EXT2: variants seen among roughly 807,000 people sequenced by gnomAD.
The protein encoded by EXT2 is exostosin-2.
In EXT2, 53 loss-of-function variants were observed where a neutral mutation model predicts 81.6. That is an observed-to-expected ratio of 0.65 (90% CI 0.52 to 0.82). The LOEUF is 0.82. Ranked by LOEUF, EXT2 falls within the 40% of genes least tolerant of loss-of-function variation. EXT2 has a pLI of 0.00. For missense variants in EXT2, 774 were observed against 910.2 expected (o/e 0.85, Z 1.93); for synonymous variants, 320 against 340.0 (o/e 0.94, Z 0.65).
chr11:44,234,389 G>C (rs560499225), intron 12 of EXT2, 146 bp downstream of exon 12: 2 of 794,272 alleles, frequency 2.5e-6, no homozygotes, highest in South Asian at 3.2e-5. Flanking sequence ...GATTGATGCG[G>C]TCACATTGGG....
intron 7 of EXT2, among the ~76,000 whole-genome samples, chr11:44,137,939 CA>C (rs1368980386): frequency 6.6e-6 from 1 of 152,154 alleles, no homozygotes; most frequent in East Asian, 1.9e-4. Flanking sequence ...TTCAGTAATA[CA>C]TAAATTATAA....
At chr11:44,209,579 A>G (rs1402550295) in intron 10 of EXT2, among the ~76,000 whole-genome samples, 4 of 152,196 alleles carry the variant, frequency 2.6e-5, no homozygotes, top group Non-Finnish European at 4.4e-5. Flanking sequence ...AGAAATTGGG[A>G]GCAGGCTTGA....
chr11:44,197,742 C>A, intron 8 of EXT2, 87 bp from the exon 9 acceptor site: 1 of 1,390,882 alleles, frequency 7.2e-7, no homozygotes, highest in South Asian at 1.2e-5. Context: ...GCCACCAAGC[C>A]TGCCATGTTT....
intron 2 of EXT2, among the ~76,000 whole-genome samples, 191 bp from the exon 3 acceptor site, chr11:44,109,003 G>A (rs773105914): frequency 2.0e-4 from 30 of 152,190 alleles, no homozygotes; most frequent in Non-Finnish European, 4.0e-4. Flanking sequence ...GTACACGTGC[G>A]TTCATTTTTC....
At chr11:44,096,447 G>A (rs1269529682) in intron 1 of EXT2, 1 of 975,566 alleles carries the variant, frequency 1.0e-6, no homozygotes, top group Non-Finnish European at 1.5e-6. Flanking sequence ...GGTGGCCGGG[G>A]TCATGTTGGG....
intron 13 of EXT2, among the ~76,000 whole-genome samples, chr11:44,236,718 A>G (rs1955969690): frequency 6.6e-6 from 1 of 152,206 alleles, no homozygotes; most frequent in Non-Finnish European, 1.5e-5. Flanking sequence ...TTTCAGGGTA[A>G]TAGCTCCACG....
chr11:44,203,489 G>A (rs1247307612), intron 9 of EXT2, among the ~76,000 whole-genome samples: 1 of 152,184 alleles, frequency 6.6e-6, no homozygotes, highest in African/African-American at 2.4e-5. Flanking sequence ...TCTGCCCCAG[G>A]AGTGTTATTG....
chr11:44,121,215 T>G (rs1954311657), intron 4 of EXT2, among the ~76,000 whole-genome samples: 1 of 152,144 alleles, frequency 6.6e-6, no homozygotes, highest in Admixed American at 6.5e-5. Context: ...GAAAATGGAG[T>G]AGCAGTAGAG....
chr11:44,145,201 A>G (rs1035792224), intron 7 of EXT2, among the ~76,000 whole-genome samples: 1 of 152,158 alleles, frequency 6.6e-6, no homozygotes, highest in Non-Finnish European at 1.5e-5. Flanking sequence ...TCGATATTAG[A>G]TGACTTCAGT....
intron 8 of EXT2, among the ~76,000 whole-genome samples, chr11:44,181,964 C>T (rs1955242114): frequency 6.6e-6 from 1 of 152,114 alleles, no homozygotes; most frequent in Admixed American, 6.5e-5. Context: ...GACCTGATTG[C>T]CTAAGTATTG....
rs11037915 is a variant in EXT2, at chr11:44,249,413, A to G, written c.*5126A>G. Among the ~76,000 whole-genome samples, 1,427 of 152,306 alleles carry G rather than the reference A, an allele frequency of 9.4e-3. 109 individuals are homozygous for G. The East Asian group carries it at 0.19, about 20-fold the overall frequency. Reference sequence around the variant, plus strand: ...CAGACAGAAGACAAGGTAGTTCTCAAGAAGTACCAGGCAGCTGTGTCTGCT... The same window carrying G: ...CAGACAGAAGACAAGGTAGTTCTCAGGAAGTACCAGGCAGCTGTGTCTGCT... On this transcript the variant is annotated 3_prime_UTR_variant, in exon 14 of 14. Transcript: ENST00000533608.
At chr11:44,240,030 T>C (rs1366585978) in intron 13 of EXT2, among the ~76,000 whole-genome samples, 2 of 152,220 alleles carry the variant, frequency 1.3e-5, no homozygotes, top group Non-Finnish European at 2.9e-5. Flanking sequence ...TGTAAATAGT[T>C]GTTACATGGC....
At chr11:44,238,414 T>A (rs1955995551) in intron 13 of EXT2, among the ~76,000 whole-genome samples, 1 of 152,184 alleles carries the variant, frequency 6.6e-6, no homozygotes, top group Admixed American at 6.5e-5. Context: ...ACTCCTGGCC[T>A]CAAGGTATCC....
intron 8 of EXT2, among the ~76,000 whole-genome samples, chr11:44,178,926 A>G (rs1460963923): frequency 6.6e-6 from 1 of 152,220 alleles, no homozygotes; most frequent in Non-Finnish European, 1.5e-5. Flanking sequence ...GTGATCCAGT[A>G]TGCTACCCTA....
chr11:44,185,524 C>T (rs1234841377), intron 8 of EXT2, among the ~76,000 whole-genome samples: 1 of 151,960 alleles, frequency 6.6e-6, no homozygotes, highest in South Asian at 2.1e-4. Context: ...GGGTTCATGC[C>T]TTTTTTTCAG....
intron 8 of EXT2, among the ~76,000 whole-genome samples, chr11:44,188,895 A>G (rs1164994075): frequency 6.6e-6 from 1 of 152,190 alleles, no homozygotes; most frequent in East Asian, 1.9e-4. Context: ...AGAGCTGAGA[A>G]TTTTCCACAA....
chr11:44,237,902 TAAAAAAAAAAAAAAAA>T (rs374084527), intron 13 of EXT2, among the ~76,000 whole-genome samples: 1 of 56,364 alleles, frequency 1.8e-5, no homozygotes, highest in Non-Finnish European at 3.3e-5. Flanking sequence ...CGTCTCTACT[TAAAAAAAAAAAAAAAA>T]AAAAAAAAAA....
rs1156722510 is a variant in EXT2 at position 44,249,281 on chromosome 11, AACC to A, written c.*4999_*5001del. ...CCAAAGTGTTGGGATTACAGGTGTG[AACC>A]ACCATGCCTGGCCCAGGATAGCACT... On this transcript the variant is annotated 3_prime_UTR_variant, in exon 14 of 14. Coordinates refer to ENST00000533608, the MANE Select transcript of EXT2 (RefSeq NM_207122.2). Among the ~76,000 whole-genome samples, 1 of 152,188 alleles carries A rather than the reference AACC, an allele frequency of 6.6e-6. No individual in the cohort carries two copies. The highest frequency in any genetic ancestry group is 1.5e-5 in the Non-Finnish European group (1 of 68,034).
chr11:44,177,353 TC>T (rs1425990385), intron 8 of EXT2, among the ~76,000 whole-genome samples: 11 of 152,386 alleles, frequency 7.2e-5, no homozygotes, highest in Admixed American at 7.2e-4. Context: ...TCCCTAAATA[TC>T]CTATATTACT....
Sources: allele counts gnomAD v4.1 joint callset (sites outside exome capture counted in the v4.1 genomes callset), GRCh38; gene constraint gnomAD v4.1.1; transcripts MANE v1.5; gene names NCBI Gene and HGNC (gene_info 2026-07-23, HGNC 2026-07-21).